The following SMYD3 variants were observed in gnomAD, a reference collection of about 807,000 sequenced individuals.
SMYD3 encodes the protein histone-lysine N-methyltransferase SMYD3.
A neutral mutation model predicts 57.7 loss-of-function variants in SMYD3; 36 were observed. The observed-to-expected ratio is 0.62, with a 90% CI of 0.48 to 0.82. The LOEUF (loss-of-function observed/expected upper bound fraction) is 0.82. Ranked by LOEUF, SMYD3 falls within the 40% of genes least tolerant of loss-of-function variation. The probability of loss-of-function intolerance (pLI) is 0.00; values close to 1 mark genes in which losing one functional copy is unlikely to be tolerated. For missense variants in SMYD3, 515 were observed against 538.8 expected (o/e 0.96, Z 0.44); for synonymous variants, 211 against 195.0 (o/e 1.08, Z -0.68).
intron 5 of SMYD3, among the ~76,000 whole-genome samples, chr1:246,273,163 G>GA (rs368350320): frequency 0.021 from 1,067 of 51,220 alleles, 20 homozygotes; most frequent in African/African-American, 0.093. Context: ...CTTTTTTTTG[G>GA]GGGGGGGACA....
intron 1 of SMYD3, among the ~76,000 whole-genome samples, chr1:246,455,777 G>T (rs993762158): frequency 1.3e-5 from 2 of 152,162 alleles, no homozygotes; most frequent in Non-Finnish European, 2.9e-5. Flanking sequence ...ATTCTGAAAA[G>T]GATTCTTGGA....
chr1:246,212,592 T>C (rs1385790891), intron 5 of SMYD3, among the ~76,000 whole-genome samples: 1 of 152,070 alleles, frequency 6.6e-6, no homozygotes, highest in African/African-American at 2.4e-5. Context: ...CACCGAAAAA[T>C]GTCCCAACAA....
chr1:245,935,497 G>A (rs1214305387), intron 5 of SMYD3, among the ~76,000 whole-genome samples: 2 of 152,108 alleles, frequency 1.3e-5, no homozygotes, highest in African/African-American at 4.8e-5. Context: ...GAAGTTACTC[G>A]AAAACCTCAA....
chr1:246,124,063 T>A (rs905831263), intron 5 of SMYD3, among the ~76,000 whole-genome samples: 3 of 152,250 alleles, frequency 2.0e-5, no homozygotes, highest in South Asian at 4.1e-4. Flanking sequence ...TTTACCTCAC[T>A]GCCAATGCTT....
chr1:246,348,077 T>TATATATATATATATATATATATAC, intron 2 of SMYD3, among the ~76,000 whole-genome samples: 2,281 of 85,218 alleles, frequency 0.027, 152 homozygotes, highest in African/African-American at 0.031. Context: ...TATATATATA[T>TATATATATATATATATATATATAC]ACACACACAC....
At chr1:245,980,829 C>T (rs1447246721) in intron 5 of SMYD3, among the ~76,000 whole-genome samples, 1 of 152,208 alleles carries the variant, frequency 6.6e-6, no homozygotes, top group Non-Finnish European at 1.5e-5. Flanking sequence ...TTGGCATTGT[C>T]TAGACTAGCA....
Position 246,194,229 on chromosome 1 carries a change from T to C in SMYD3, c.531+132972A>G, listed in dbSNP as rs188564840. On this transcript the variant is annotated intron_variant, in intron 5 of 11. Transcript: ENST00000490107. ...CTTCCTAAGGGGAAAAGTAAACATT[T>C]TTTTGAACACTTCATATACTACAGT... Among the ~76,000 whole-genome samples, 587 of 152,182 alleles carry C rather than the reference T, an allele frequency of 3.9e-3. 1 individual carries two copies. Among genetic ancestry groups the C allele is most frequent in the Non-Finnish European group, 6.7e-3 (457 of 67,988 alleles).
intron 5 of SMYD3, among the ~76,000 whole-genome samples, chr1:246,129,344 A>G (rs2061554216): frequency 6.6e-6 from 1 of 152,154 alleles, no homozygotes. Context: ...CTTTACAACA[A>G]TGAAAGATTT....
At chr1:246,261,495 A>G (rs975247430) in intron 5 of SMYD3, among the ~76,000 whole-genome samples, 1 of 152,050 alleles carries the variant, frequency 6.6e-6, no homozygotes, top group Non-Finnish European at 1.5e-5. Context: ...AATGTTTTCA[A>G]TGACAATAAA....
chr1:246,056,105 T>C (rs1258113472), intron 5 of SMYD3, among the ~76,000 whole-genome samples: 1 of 152,220 alleles, frequency 6.6e-6, no homozygotes, highest in Admixed American at 6.5e-5. Flanking sequence ...TCTATCTTGA[T>C]TGTGACTGTG....
chr1:246,034,025 TTAAA>T (rs2059725793), intron 5 of SMYD3, among the ~76,000 whole-genome samples: 1 of 152,154 alleles, frequency 6.6e-6, no homozygotes, highest in African/African-American at 2.4e-5. Flanking sequence ...ACTGCAAAGA[TTAAA>T]TATATAGAAT....
chr1:245,859,852 A>G (rs2051441393), intron 9 of SMYD3, among the ~76,000 whole-genome samples: 1 of 152,242 alleles, frequency 6.6e-6, no homozygotes, highest in African/African-American at 2.4e-5. Context: ...GTCATTTATC[A>G]GAGTTGAGGT....
At chr1:245,780,575 T>G (rs899081540) in intron 10 of SMYD3, among the ~76,000 whole-genome samples, 1 of 151,140 alleles carries the variant, frequency 6.6e-6, no homozygotes, top group African/African-American at 2.4e-5. Flanking sequence ...GAGGCTTTTT[T>G]TTTGCATGAG....
chr1:245,944,256 A>C (rs1056145763), intron 5 of SMYD3, among the ~76,000 whole-genome samples: 3 of 152,200 alleles, frequency 2.0e-5, no homozygotes, highest in Non-Finnish European at 4.4e-5. Flanking sequence ...GTCTAAGCCT[A>C]AAAGCTTCTT....
At chr1:245,855,331 G>GA (rs1553341722) in intron 10 of SMYD3, among the ~76,000 whole-genome samples, 1 of 151,448 alleles carries the variant, frequency 6.6e-6, no homozygotes, top group Non-Finnish European at 1.5e-5. Flanking sequence ...GCTGGGGGGG[G>GA]AATTTATAGC....
At chr1:246,332,225 A>C (rs1393999911) in intron 3 of SMYD3, among the ~76,000 whole-genome samples, 4 of 152,258 alleles carry the variant, frequency 2.6e-5, no homozygotes, top group Admixed American at 1.3e-4. Flanking sequence ...TTGTCAACAC[A>C]AGGGAGAGTT....
intron 2 of SMYD3, among the ~76,000 whole-genome samples, chr1:246,349,220 C>T (rs1233589437): frequency 6.6e-6 from 1 of 152,146 alleles, no homozygotes; most frequent in Non-Finnish European, 1.5e-5. Flanking sequence ...CTTAATTGAT[C>T]TAACAGATAA....
In SMYD3 at chr1:246,462,584, G is replaced by A. The variant is rs115959931; in HGVS notation, c.164+44470C>T. ...GGCGCATCCCTTGACCCCGAGGCTCGGAGGGCAGAAGAATCACCATCAGGC... is the reference window on the plus strand; with the variant it reads ...GGCGCATCCCTTGACCCCGAGGCTCAGAGGGCAGAAGAATCACCATCAGGC... On this transcript the variant is annotated intron_variant, in intron 1 of 11. Coordinates refer to ENST00000490107, the MANE Select transcript of SMYD3 (RefSeq NM_001167740.2). Among the ~76,000 whole-genome samples, 555 of 152,252 alleles carry A rather than the reference G, an allele frequency of 3.6e-3. 1 individual carries two copies. The highest frequency in any genetic ancestry group is 0.012 in the African/African-American group (513 of 41,532).
intron 11 of SMYD3, among the ~76,000 whole-genome samples, chr1:245,754,284 C>A (rs2045518704): frequency 6.6e-6 from 1 of 151,744 alleles, no homozygotes; most frequent in Admixed American, 6.6e-5. Context: ...TTAAGCTTAT[C>A]AAGGATCTCA....
Sources: allele counts gnomAD v4.1 joint callset (sites outside exome capture counted in the v4.1 genomes callset), GRCh38; gene constraint gnomAD v4.1.1; transcripts MANE v1.5; gene names NCBI Gene and HGNC (gene_info 2026-07-23, HGNC 2026-07-21).